Variants in DDX25 observed in about 807,000 individuals in gnomAD.
The protein encoded by DDX25 is DEAD-box helicase 25.
In DDX25, 70 loss-of-function variants were observed where a neutral mutation model predicts 64.6. The ratio of observed to expected loss-of-function variants is 1.08; its 90% CI spans 0.89 to 1.32. The LOEUF is 1.32. DDX25 is among the 40% of genes most tolerant of loss of function. The probability of loss-of-function intolerance (pLI) is 0.00; values close to 1 mark genes in which losing one functional copy is unlikely to be tolerated. For synonymous variants in DDX25, 211 were observed against 213.3 expected, an observed-to-expected ratio of 0.99 and a Z score of 0.09; for missense variants, 587 against 604.4, an observed-to-expected ratio of 0.97 and a Z score of 0.30.
chr11:125,919,555 T>A (rs1027095638), intron 10 of DDX25, among the ~76,000 whole-genome samples: 1 of 119,154 alleles, frequency 8.4e-6, no homozygotes, highest in Non-Finnish European at 1.9e-5. Flanking sequence ...AAAAAATCCT[T>A]TTTTTTTTTT....
At chr11:125,909,094 T>TA (rs2134275788) in intron 6 of DDX25, among the ~76,000 whole-genome samples, 1 of 152,272 alleles carries the variant, frequency 6.6e-6, no homozygotes, top group South Asian at 2.1e-4. Flanking sequence ...CTGGCACTGG[T>TA]ACCCGGTTTA....
intron 8 of DDX25, among the ~76,000 whole-genome samples, chr11:125,915,300 T>G (rs1945022867): frequency 6.6e-6 from 1 of 152,252 alleles, no homozygotes; most frequent in Non-Finnish European, 1.5e-5. Flanking sequence ...ATTTTAAATT[T>G]TCTAATAGCC....
At position 125,918,700 on chromosome 11, in the gene DDX25, G is replaced by A; in HGVS notation, c.1111G>A (p.Glu371Lys). The A allele has an allele frequency of 1.9e-6, 3 of 1,613,950 alleles. No individual in the cohort carries two copies. Among genetic ancestry groups the A allele is most frequent in the Non-Finnish European group, 2.5e-6 (3 of 1,179,876 alleles). Residue 371 changes from glutamate to lysine, a missense_variant, in exon 10 of 12, where the codon GAG becomes AAG. Glu to Lys is a moderately conservative substitution (Grantham distance 56). Coordinates refer to ENST00000263576, the MANE Select transcript of DDX25 (RefSeq NM_013264.5). The part of the protein sequence containing the change: ...DGHQVSLLSG[E>K]LTVEQRASII... Reference sequence around the variant, plus strand: ...CCACCAGGTGTCTTTGTTAAGCGGGGAGCTGACCGTGGAGCAGCGAGCTTC... The same window carrying A: ...CCACCAGGTGTCTTTGTTAAGCGGGAAGCTGACCGTGGAGCAGCGAGCTTC...
intron 8 of DDX25, among the ~76,000 whole-genome samples, chr11:125,916,348 T>C (rs1186355237): frequency 6.6e-6 from 1 of 152,228 alleles, no homozygotes; most frequent in Non-Finnish European, 1.5e-5. Context: ...GAATAAAATT[T>C]TACCAGCACC....
upstream of DDX25, among the ~76,000 whole-genome samples, chr11:125,903,756 C>CGG (rs11427428): frequency 4.3e-4 from 32 of 73,708 alleles, no homozygotes; most frequent in South Asian, 1.6e-3. Flanking sequence ...AACTGGGGGG[C>CGG]GGGGGGGAGG....
At position 125,908,496 on chromosome 11, in the gene DDX25, TC is replaced by T. The variant is rs1353328441; in HGVS notation, c.503del (p.Pro168HisfsTer6). 6.2e-7 allele frequency: 1 copy of T among 1,613,182 alleles called. No homozygotes were observed. The highest frequency in any genetic ancestry group is 8.5e-7 in the Non-Finnish European group (1 of 1,179,886). On this transcript the variant is annotated frameshift_variant, in exon 6 of 12. Transcript: ENST00000263576. LOFTEE classifies it high-confidence loss of function. Reference sequence around the variant, plus strand: ...AGCAGAGTTAATGCCTTGGAATTGTTCCCACAGGTAAGGGAAGGCTGAGAGA... The same window carrying T: ...AGCAGAGTTAATGCCTTGGAATTGTTCCACAGGTAAGGGAAGGCTGAGAGA... ...MLSRVNALEL[F>X]PQCLCLAPTY...
rs558551360 is a variant in DDX25, at chr11:125,925,848, G to A, written c.*2967G>A. ...TAGTCTGGTAGGATGTGTGACAGCCGCTTTTCAAGAGACATTATTGCTTTT... is the reference window on the plus strand; with the variant it reads ...TAGTCTGGTAGGATGTGTGACAGCCACTTTTCAAGAGACATTATTGCTTTT... On this transcript the variant is annotated 3_prime_UTR_variant, in exon 12 of 12. Transcript: ENST00000263576. 3.0e-5 allele frequency: 5 copies of A among 168,154 alleles called. No individual in the cohort carries two copies. Among genetic ancestry groups the A allele is most frequent in the East Asian group, 1.7e-4 (1 of 6,010 alleles). 10.4% of individuals were successfully genotyped at this position (168,154 alleles called of 1,614,324 possible).
At chr11:125,916,577 T>G (rs1057180467) in intron 8 of DDX25, among the ~76,000 whole-genome samples, 4 of 152,250 alleles carry the variant, frequency 2.6e-5, no homozygotes, top group Non-Finnish European at 5.9e-5. Flanking sequence ...CTTCCCATTC[T>G]GAATCAAGTT....
At chr11:125,920,939 C>T (rs1945104716) in intron 10 of DDX25, 3 of 458,492 alleles carry the variant, frequency 6.5e-6, no homozygotes, top group Non-Finnish European at 1.2e-5. Context: ...CACACACACA[C>T]ACACACACAC....
intron 3 of DDX25, 142 bp downstream of exon 3, chr11:125,905,739 A>G: frequency 1.2e-6 from 1 of 864,966 alleles, no homozygotes; most frequent in Non-Finnish European, 1.8e-6. Context: ...CAGGAGACAC[A>G]CTAAATTAGG....
intron 8 of DDX25, 86 bp downstream of exon 8, chr11:125,911,574 G>A: frequency 7.5e-7 from 1 of 1,332,312 alleles, no homozygotes; most frequent in East Asian, 2.4e-5. Context: ...TATCTTTATT[G>A]CTTAACTCCT....
chr11:125,919,769 C>T (rs929582989), intron 10 of DDX25, among the ~76,000 whole-genome samples: 1 of 152,140 alleles, frequency 6.6e-6, no homozygotes, highest in Non-Finnish European at 1.5e-5. Context: ...GAGCTCACAG[C>T]CTAGGCTCTT....
chr11:125,907,383 C>T (rs112456732), intron 4 of DDX25, among the ~76,000 whole-genome samples: 6,279 of 152,056 alleles, frequency 0.041, 429 homozygotes, highest in African/African-American at 0.14. Context: ...CCAAGGGGGG[C>T]GGATCACGAG....
rs1198460048 is a variant in DDX25 at position 125,918,070 on chromosome 11, G to A, written c.1039-558G>A. Among the ~76,000 whole-genome samples the A allele has an allele frequency of 5.9e-5, 9 of 151,882 alleles. 1 individual carries two copies. Among genetic ancestry groups the A allele is most frequent in the South Asian group, 4.2e-4 (2 of 4,798 alleles). On this transcript the variant is annotated intron_variant, in intron 9 of 11. Coordinates refer to ENST00000263576, the MANE Select transcript of DDX25 (RefSeq NM_013264.5). ...ATTTTTGTATTTTTTTAGTAGAGAC[G>A]GGGTTTCACCATGCTGGCCAGGCTG...
upstream of DDX25, chr11:125,903,514 A>C (rs1463882771): frequency 6.6e-6 from 1 of 152,268 alleles, no homozygotes; most frequent in Non-Finnish European, 1.5e-5. Context: ...TTAAATGAGA[A>C]GAAAGTTACC....
At position 125,921,065 on chromosome 11, in the gene DDX25, C is replaced by T. The variant is rs1945107459; in HGVS notation, c.1202-126C>T. ...CTAACCAAAGTACCTGTCTCAATTA[C>T]ATAAGCCCTGGTTGGATTTCTAAAT... On this transcript the variant is annotated intron_variant, in intron 10 of 11. Coordinates refer to ENST00000263576, the MANE Select transcript of DDX25 (RefSeq NM_013264.5). This position sits in a 1 kb window ranked among gnomAD's most constrained non-coding sequence, Gnocchi z 4.1. 2 of 968,316 alleles carry T rather than the reference C, an allele frequency of 2.1e-6. No homozygotes were observed. The highest frequency in any genetic ancestry group is 1.8e-5 in the South Asian group (1 of 55,232). The allele number at this position is 968,316 out of a possible 1,614,324, so 60.0% of individuals were successfully genotyped here.
chr11:125,908,153 G>A, intron 4 of DDX25, 43 bp from the exon 5 acceptor site: 1 of 1,499,588 alleles, frequency 6.7e-7, no homozygotes, highest in South Asian at 1.2e-5. Context: ...TGATGCTACT[G>A]ACCAACTATA....
At chr11:125,903,973 T>TA (rs149329218), upstream of DDX25, among the ~76,000 whole-genome samples, 1,556 of 152,364 alleles carry the variant, frequency 0.01, 38 homozygotes, top group African/African-American at 0.035. Context: ...GAACAGCAGT[T>TA]AGAGCTTGAA....
intron 6 of DDX25, among the ~76,000 whole-genome samples, chr11:125,908,808 A>G (rs1365368092): frequency 1.3e-5 from 2 of 152,218 alleles, no homozygotes; most frequent in Non-Finnish European, 2.9e-5. Context: ...AATGTATCAT[A>G]GTTGATCTGT....
Sources: allele counts gnomAD v4.1 joint callset (sites outside exome capture counted in the v4.1 genomes callset), GRCh38; gene constraint gnomAD v4.1.1; non-coding constraint Gnocchi (gnomAD v3.1); transcripts MANE v1.5; gene names NCBI Gene and HGNC (gene_info 2026-07-23, HGNC 2026-07-21).